The following SFXN2 variants were observed in gnomAD, a reference collection of about 807,000 sequenced individuals.
The protein encoded by SFXN2 is sideroflexin-2.
A neutral mutation model predicts 41.9 loss-of-function variants in SFXN2; 37 were observed. The ratio of observed to expected loss-of-function variants is 0.88; its 90% CI spans 0.68 to 1.16. The LOEUF is 1.16. Ranked by LOEUF, SFXN2 falls within the 50% of genes most tolerant of loss-of-function variation. The pLI, the probability that SFXN2 is intolerant of heterozygous loss-of-function variation, is 0.00. For missense variants in SFXN2, 386 were observed against 425.2 expected, an observed-to-expected ratio of 0.91 and a Z score of 0.81; for synonymous variants, 150 against 156.7, an observed-to-expected ratio of 0.96 and a Z score of 0.32.
intron 10 of SFXN2, among the ~76,000 whole-genome samples, chr10:102,735,476 CGCTCTTCCCCCTCCATGTT>C (rs1258773748): frequency 1.3e-5 from 2 of 150,316 alleles, no homozygotes; most frequent in African/African-American, 4.9e-5. Flanking sequence ...CCCTCCATGT[CGCTCTTCCCCCTCCATGTT>C]GCTCCTCCCC....
Position 102,726,993 on chromosome 10 carries a change from G to A in SFXN2, c.168G>A (p.Gly56=), listed in dbSNP as rs1320788556. Residue 56 remains glycine (G), a synonymous_variant, in exon 3 of 12, where the codon GGG becomes GGA. Transcript: ENST00000369893. The part of the protein sequence containing the change: ...AKVMVEKSRM[G]VVPPGTQVEQ... The stretch of plus-strand genomic sequence containing the variant: ...TGCTGTCCTTGGGTGGCAGGATGGG[G>A]GTTGTGCCCCCAGGCACCCAAGTGG... 6.3e-7 allele frequency: 1 copy of A among 1,597,168 alleles called. No homozygotes were observed. Among genetic ancestry groups the A allele is most frequent in the South Asian group, 1.1e-5 (1 of 90,734 alleles).
At position 102,729,739 on chromosome 10, in the gene SFXN2, T is replaced by C; in HGVS notation, c.524T>C (p.Val175Ala). The C allele has an allele frequency of 1.2e-6, 2 of 1,614,028 alleles. No homozygotes were observed. Among genetic ancestry groups the C allele is most frequent in the Non-Finnish European group, 1.7e-6 (2 of 1,180,036 alleles). Residue 175 changes from valine to alanine, a missense_variant, in exon 6 of 12, where the codon GTG becomes GCG. By Grantham distance (64) the Val-to-Ala change is moderately conservative (BLOSUM62 0). Coordinates refer to ENST00000369893, the MANE Select transcript of SFXN2 (RefSeq NM_178858.6). Reference sequence around the variant, plus strand: ...CCCCAACAGAAAGCGCCGCCCTTGGTGGGCCGCTGGGTGCCCTTTGCCGCT... The same window carrying C: ...CCCCAACAGAAAGCGCCGCCCTTGGCGGGCCGCTGGGTGCCCTTTGCCGCT... ...NMLTKKAPPLVGRWVPFAAVA... is the reference protein window; with the variant it reads ...NMLTKKAPPLAGRWVPFAAVA...
At chr10:102,735,461 TC>T (rs903438010) in intron 10 of SFXN2, among the ~76,000 whole-genome samples, 2 of 143,756 alleles carry the variant, frequency 1.4e-5, no homozygotes, top group Non-Finnish European at 3.0e-5. Context: ...TCCATGATGC[TC>T]CTCCCCTCCA....
chr10:102,719,082 C>T (rs1219577707), intron 1 of SFXN2, among the ~76,000 whole-genome samples: 2 of 151,734 alleles, frequency 1.3e-5, no homozygotes, highest in African/African-American at 4.8e-5. Context: ...TGCCACCACG[C>T]CCGGCTAATT....
chr10:102,729,444 T>G (rs768496343), intron 5 of SFXN2, 50 bp downstream of exon 5: 1 of 1,599,534 alleles, frequency 6.3e-7, no homozygotes, highest in Non-Finnish European at 8.6e-7. Flanking sequence ...GGCAGCAGAG[T>G]CCTAGGGAAA....
chr10:102,737,102 C>T (rs9419938), intron 11 of SFXN2, among the ~76,000 whole-genome samples: 42,299 of 151,688 alleles, frequency 0.28, 6,153 homozygotes, highest in Admixed American at 0.3. Context: ...TGCGGTGAGC[C>T]GAGATTGCAC....
chr10:102,729,700 C>T, intron 5 of SFXN2, 23 bp from the exon 6 acceptor site: 1 of 1,613,006 alleles, frequency 6.2e-7, no homozygotes, highest in Non-Finnish European at 8.5e-7. Context: ...TGAACAACTC[C>T]TACTGTTCTC....
rs755992290 is a variant in SFXN2 at position 102,737,732 on chromosome 10, G to A, written c.939G>A (p.Glu313=). 3 of 1,612,922 alleles carry A rather than the reference G, an allele frequency of 1.9e-6. No individual in the cohort carries two copies. Among genetic ancestry groups the A allele is most frequent in the Admixed American group, 3.3e-5 (2 of 59,980 alleles). The stretch of plus-strand genomic sequence containing the variant: ...TCAAGGCCAAGTATGGAGAACTTGA[G>A]CCTTATGTCTACTTCAATAAGGGTC... ...DTIKAKYGEL[E]PYVYFNKGL The change falls in exon 12 of 12, where the codon GAG becomes GAA. Residue 313 remains glutamate (E), a synonymous_variant. Coordinates refer to ENST00000369893, the MANE Select transcript of SFXN2 (RefSeq NM_178858.6).
chr10:102,732,332 C>T (rs1038189549), intron 8 of SFXN2, 114 bp downstream of exon 8: 4 of 837,012 alleles, frequency 4.8e-6, no homozygotes, highest in Non-Finnish European at 5.7e-6. Flanking sequence ...CCATGCTTCT[C>T]AAACTGCTTT....
Position 102,726,675 on chromosome 10 carries a change from C to G in SFXN2, c.39C>G (p.Pro13=), listed in dbSNP as rs1401061344. The G allele has an allele frequency of 1.9e-6, 3 of 1,614,182 alleles. No individual in the cohort carries two copies. The highest frequency in any genetic ancestry group is 2.5e-6 in the Non-Finnish European group (3 of 1,180,024). ...ADLSGFNIDA[P]RWDQRTFLGR... is the part of the protein sequence containing the mutation. ...TGTCTGGCTTTAACATCGATGCCCC[C>G]CGTTGGGACCAGCGCACCTTCCTGG... Residue 13 remains proline, a synonymous_variant, in exon 2 of 12, where the codon CCC becomes CCG. Coordinates refer to ENST00000369893, the MANE Select transcript of SFXN2 (RefSeq NM_178858.6).
At position 102,737,985 on chromosome 10, in the gene SFXN2, G is replaced by T. The variant is rs2064803710; in HGVS notation, c.*223G>T. ...TAGCAAAGGCCAATGTCTTCTAGCT[G>T]CTTCCTCAACCCCTGTCCCCTGGAG... On this transcript the variant is annotated 3_prime_UTR_variant, in exon 12 of 12. Transcript: ENST00000369893. 5 of 320,456 alleles carry T rather than the reference G, an allele frequency of 1.6e-5. No homozygotes were observed. The highest frequency in any genetic ancestry group is 2.9e-5 in the Non-Finnish European group (5 of 172,500). 19.9% of individuals were successfully genotyped at this position (320,456 alleles called of 1,614,324 possible). A position where few individuals can be genotyped will look rare whatever the true frequency, so the allele number is the denominator to read the frequency against.
chr10:102,721,479 AATT>A (rs1399065321), intron 1 of SFXN2, among the ~76,000 whole-genome samples: 2 of 148,074 alleles, frequency 1.4e-5, no homozygotes, highest in East Asian at 3.9e-4. Context: ...TAGCTATATG[AATT>A]ATTTATGTTT....
At chr10:102,733,446 C>A in intron 9 of SFXN2, 108 bp from the exon 10 acceptor site, 1 of 876,330 alleles carries the variant, frequency 1.1e-6, no homozygotes. Flanking sequence ...CTGCGCCCAG[C>A]CACCTGTGGG....
chr10:102,717,739 T>G, intron 1 of SFXN2: 1 of 985,230 alleles, frequency 1.0e-6, no homozygotes, highest in African/African-American at 1.7e-5. Flanking sequence ...GGTGACATCC[T>G]TGATGCCAAG....
In SFXN2 at chr10:102,738,299, C is replaced by CTTTT; in HGVS notation, c.*548_*551dup. ...TCGTTGCCCCCTGGTCAGGCAGCTT[C>CTTTT]TTTTTTTTTTTTTTCAAGATGGAGT... On this transcript the variant is annotated 3_prime_UTR_variant, in exon 12 of 12. Coordinates refer to ENST00000369893, the MANE Select transcript of SFXN2 (RefSeq NM_178858.6). 1 of 143,282 alleles carries CTTTT rather than the reference C, an allele frequency of 7.0e-6. No individual in the cohort carries two copies. Among genetic ancestry groups the CTTTT allele is most frequent in the Non-Finnish European group, 1.5e-5 (1 of 65,108 alleles). The allele number at this position is 143,282 out of a possible 1,614,324, so 8.9% of individuals were successfully genotyped here.
At chr10:102,723,027 G>A (rs984280584) in intron 1 of SFXN2, among the ~76,000 whole-genome samples, 3 of 146,072 alleles carry the variant, frequency 2.1e-5, no homozygotes, top group Non-Finnish European at 3.0e-5. Context: ...CGCCTCCTGG[G>A]CTCAAGCATT....
At chr10:102,717,971 T>C (rs1450710823) in intron 1 of SFXN2, among the ~76,000 whole-genome samples, 1 of 152,184 alleles carries the variant, frequency 6.6e-6, no homozygotes, top group East Asian at 1.9e-4. Flanking sequence ...TAGGAGTATA[T>C]ATCACAGAAG....
At chr10:102,728,647 C>T (rs1041509725) in intron 4 of SFXN2, 118 bp downstream of exon 4, 20 of 814,916 alleles carry the variant, frequency 2.5e-5, no homozygotes, top group Middle Eastern at 2.3e-4. Context: ...ACCAAGTCAC[C>T]CTTTCCCAGG....
rs1014136997 is a variant in SFXN2, at chr10:102,734,051, C to T, written c.821+448C>T. 7.9e-5 allele frequency among the ~76,000 whole-genome samples: 12 copies of T among 152,250 alleles called. No individual in the cohort carries two copies. Among genetic ancestry groups the T allele is most frequent in the Admixed American group, 2.0e-4 (3 of 15,294 alleles). ...TACAGGCACGCACCATGATGCCTTG[C>T]TAATTTTTGTATTTCATCATGTTGG... On this transcript the variant is annotated intron_variant, in intron 10 of 11. Transcript: ENST00000369893. The surrounding 1 kb of genome is among the most constrained non-coding windows in gnomAD (Gnocchi z 4.1).
Sources: gnomAD v4.1 joint callset for allele counts (sites outside exome capture counted in the v4.1 genomes callset) on GRCh38, gnomAD v4.1.1 for gene constraint, Gnocchi (gnomAD v3.1) non-coding constraint, MANE v1.5 for transcripts, NCBI Gene and HGNC (gene_info 2026-07-23, HGNC 2026-07-21) for gene names.